The following XIRP2 variants were observed in gnomAD, a reference collection of about 807,000 sequenced individuals.
XIRP2 encodes xin actin binding repeat containing 2.
Under a neutral mutation model 277.0 loss-of-function variants are expected in XIRP2, and 236 were observed. The ratio of observed to expected loss-of-function variants is 0.85; its 90% CI spans 0.77 to 0.95. The LOEUF is 0.95. XIRP2 is among the 40% of genes least tolerant of loss of function. The pLI is 0.00. For synonymous variants in XIRP2, 1,490 were observed against 1,416.5 expected, an observed-to-expected ratio of 1.05 and a Z score of -1.17; for missense variants, 4,640 against 4,157.5, an observed-to-expected ratio of 1.12 and a Z score of -3.19.
chr2:167,254,014 G>C lies in XIRP2; in HGVS notation c.10556-18G>C. Reference sequence around the variant, plus strand: ...TGAAGATAACACTACAGAAGGCTTTGTAAATTTTTATTTTTAGAAGCTGCT... The same window carrying C: ...TGAAGATAACACTACAGAAGGCTTTCTAAATTTTTATTTTTAGAAGCTGCT... On this transcript the variant is annotated intron_variant, in intron 9 of 10. Coordinates refer to ENST00000409195, the MANE Select transcript of XIRP2 (RefSeq NM_152381.6). 6.4e-7 allele frequency: 1 copy of C among 1,572,700 alleles called. No homozygotes were observed. The highest frequency in any genetic ancestry group is 8.6e-7 in the Non-Finnish European group (1 of 1,161,994).
At chr2:167,237,975 T>A (rs1329352296) in intron 5 of XIRP2, among the ~76,000 whole-genome samples, 1 of 152,196 alleles carries the variant, frequency 6.6e-6, no homozygotes, top group African/African-American at 2.4e-5. Flanking sequence ...TAGCCTCAAA[T>A]AAAACTTGAT....
At position 167,050,617 on chromosome 2, in the gene XIRP2, A is replaced by G. The variant is rs549958037; in HGVS notation, c.409-85292A>G. ...GTCCTAGGATCACACCCTATAGATA[A>G]TTTCACCCCAGAGTGAGGGAAATAA... is the stretch of plus-strand genomic sequence containing the variant. On this transcript the variant is annotated intron_variant, in intron 2 of 10. Transcript: ENST00000409195. Among the ~76,000 whole-genome samples the G allele has an allele frequency of 3.9e-5, 6 of 152,082 alleles. No homozygotes were observed. In the East Asian group the frequency reaches 1.2e-3, roughly 29 times the overall value.
chr2:166,988,830 G>A (rs1274445113), intron 2 of XIRP2, among the ~76,000 whole-genome samples: 5 of 62,540 alleles, frequency 8.0e-5, no homozygotes, highest in South Asian at 7.6e-4. Flanking sequence ...ACGGAATCTC[G>A]CTGATTGCTA....
In XIRP2 at chr2:167,066,594, A is replaced by G. The variant is rs950902028; in HGVS notation, c.409-69315A>G. On this transcript the variant is annotated intron_variant, in intron 2 of 10. Transcript: ENST00000409195. ...TCAAAAAAGTGAATGTAGAGTTACC[A>G]TATTAACTAGCAACCCCACTTCTAC... Among the ~76,000 whole-genome samples the G allele has an allele frequency of 7.9e-5, 12 of 152,238 alleles. 1 individual carries two copies. The South Asian group carries it at 1.9e-3, about 24-fold the overall frequency.
At chr2:167,215,964 C>T (rs1409210566) in intron 4 of XIRP2, among the ~76,000 whole-genome samples, 1 of 151,850 alleles carries the variant, frequency 6.6e-6, no homozygotes, top group African/African-American at 2.4e-5. Flanking sequence ...ACAGAGCCCT[C>T]AGAAATAACG....
Position 167,259,235 on chromosome 2 carries a change from A to T in XIRP2, c.*1418A>T, listed in dbSNP as rs1244483754. 3 of 1,613,464 alleles carry T rather than the reference A, an allele frequency of 1.9e-6. No individual in the cohort carries two copies. Among genetic ancestry groups the T allele is most frequent in the African/African-American group, 2.7e-5 (2 of 74,964 alleles). ...AGAAGCTGCCCGCAATAATGAAAAC[A>T]CAGGTTTTGATGCTCTGAGCCATGA... is the stretch of plus-strand genomic sequence containing the variant. On this transcript the variant is annotated 3_prime_UTR_variant, in exon 11 of 11. Transcript: ENST00000409195.
chr2:167,144,848 C>T (rs1691820779), intron 3 of XIRP2, among the ~76,000 whole-genome samples: 1 of 151,982 alleles, frequency 6.6e-6, no homozygotes, highest in Non-Finnish European at 1.5e-5. Flanking sequence ...CTTTAATGTC[C>T]CTAGATTTTG....
Position 167,108,268 on chromosome 2 carries a change from A to G in XIRP2, c.409-27641A>G, listed in dbSNP as rs570454414. 5.3e-4 allele frequency among the ~76,000 whole-genome samples: 80 copies of G among 151,768 alleles called. 1 individual carries two copies. The highest frequency in any genetic ancestry group is 1.9e-3 in the African/African-American group (77 of 41,442). On this transcript the variant is annotated intron_variant, in intron 2 of 10. Coordinates refer to ENST00000409195, the MANE Select transcript of XIRP2 (RefSeq NM_152381.6). ...TCTTTACCCTGCTAGAGTTTTGTCAATTTTATTGATCTTTACAATGAACTA... is the reference window on the plus strand; with the variant it reads ...TCTTTACCCTGCTAGAGTTTTGTCAGTTTTATTGATCTTTACAATGAACTA...
chr2:167,249,520 G>A lies in XIRP2; in HGVS notation c.8128G>A (p.Val2710Ile). 6.2e-7 allele frequency: 1 copy of A among 1,613,696 alleles called. No homozygotes were observed. Among genetic ancestry groups the A allele is most frequent in the Non-Finnish European group, 8.5e-7 (1 of 1,179,788 alleles). ...QSKPISPNFK[V>I]KTIKLPTLDH... ...CAAACCAATTTCCCCAAATTTCAAA[G>A]TTAAAACCATCAAACTTCCAACTCT... Residue 2710 changes from valine to isoleucine, a missense_variant, in exon 9 of 11, where the codon GTT becomes ATT. Coordinates refer to ENST00000409195, the MANE Select transcript of XIRP2 (RefSeq NM_152381.6).
chr2:167,066,203 A>T (rs1254714471), intron 2 of XIRP2, among the ~76,000 whole-genome samples: 1 of 151,852 alleles, frequency 6.6e-6, no homozygotes, highest in Non-Finnish European at 1.5e-5. Context: ...ATTTTCTGAA[A>T]CCTTATACAC....
At chr2:166,970,954 G>A (rs1478354045) in intron 2 of XIRP2, among the ~76,000 whole-genome samples, 1 of 151,842 alleles carries the variant, frequency 6.6e-6, no homozygotes, top group Admixed American at 6.6e-5. Flanking sequence ...ATATGGCTAG[G>A]TATTATCTTG....
chr2:166,936,765 G>C (rs1188609741), intron 2 of XIRP2, among the ~76,000 whole-genome samples: 2 of 152,002 alleles, frequency 1.3e-5, no homozygotes, highest in Non-Finnish European at 1.5e-5. Flanking sequence ...CTGTTCCATT[G>C]ATCTATATCT....
intron 3 of XIRP2, among the ~76,000 whole-genome samples, chr2:167,199,967 A>G (rs1693633412): frequency 6.6e-6 from 1 of 152,258 alleles, no homozygotes; most frequent in Non-Finnish European, 1.5e-5. Flanking sequence ...AGAGGTAGCA[A>G]TTCTGTAAGA....
rs573284820 is a variant in XIRP2, at chr2:167,082,236, C to A, written c.409-53673C>A. Among the ~76,000 whole-genome samples, 385 of 152,140 alleles carry A rather than the reference C, an allele frequency of 2.5e-3. 1 individual carries two copies. The highest frequency in any genetic ancestry group is 8.6e-3 in the African/African-American group (356 of 41,506). ...TTGCGATAGTTTACTGAGAATGATG[C>A]TTTCCAATTTCATCCATGTCCCTAC... On this transcript the variant is annotated intron_variant, in intron 2 of 10. Transcript: ENST00000409195.
At chr2:167,040,701 C>A (rs984657411) in intron 2 of XIRP2, among the ~76,000 whole-genome samples, 1 of 152,160 alleles carries the variant, frequency 6.6e-6, no homozygotes, top group South Asian at 2.1e-4. Context: ...CAAGGCCAGG[C>A]TGATCTTAGC....
rs750716351 is a variant in XIRP2, at chr2:167,249,961, G to T, written c.8569G>T (p.Val2857Phe). 6.2e-7 allele frequency: 1 copy of T among 1,613,544 alleles called. No homozygotes were observed. Among genetic ancestry groups the T allele is most frequent in the South Asian group, 1.1e-5 (1 of 91,070 alleles). Residue 2857 changes from valine to phenylalanine, a missense_variant, in exon 9 of 11, where the codon GTT becomes TTT. Coordinates refer to ENST00000409195, the MANE Select transcript of XIRP2 (RefSeq NM_152381.6). ...KSAPKVVKQKVIDAHLDSQTQ... is the reference protein window; with the variant it reads ...KSAPKVVKQKFIDAHLDSQTQ... ...AGCACCAAAGGTCGTCAAGCAAAAG[G>T]TTATCGATGCACATCTTGATTCACA...
chr2:167,165,307 T>A (rs961708329), intron 3 of XIRP2, among the ~76,000 whole-genome samples: 2 of 152,234 alleles, frequency 1.3e-5, no homozygotes, highest in African/African-American at 4.8e-5. Flanking sequence ...GCTATGAACA[T>A]CTATATGTAG....
chr2:166,945,336 A>G (rs749592898), intron 2 of XIRP2, among the ~76,000 whole-genome samples: 1 of 152,128 alleles, frequency 6.6e-6, no homozygotes, highest in Non-Finnish European at 1.5e-5. Flanking sequence ...TGTATGTCTT[A>G]CAGGAATCTC....
chr2:167,225,096 A>G (rs1694553264), intron 5 of XIRP2, among the ~76,000 whole-genome samples: 1 of 152,246 alleles, frequency 6.6e-6, no homozygotes, highest in South Asian at 2.1e-4. Flanking sequence ...CAAACACTCT[A>G]TATAGGTATG....
Sources: allele counts gnomAD v4.1 joint callset (sites outside exome capture counted in the v4.1 genomes callset), GRCh38; gene constraint gnomAD v4.1.1; transcripts MANE v1.5; gene names NCBI Gene and HGNC (gene_info 2026-07-23, HGNC 2026-07-21).